The following GOSR2 variants were observed in gnomAD, a reference collection of about 807,000 sequenced individuals.
GOSR2 encodes the protein 27 kDa Golgi SNARE protein.
In GOSR2, 20 loss-of-function variants were observed where a neutral mutation model predicts 27.9. The ratio of observed to expected loss-of-function variants is 0.72; its 90% CI spans 0.50 to 1.04. The LOEUF is 1.04. Among genes scored for constraint, GOSR2 ranks in the 50% least tolerant of loss-of-function variants. The pLI is 0.00. For synonymous variants in GOSR2, 91 were observed against 98.8 expected (o/e 0.92, Z 0.47); for missense variants, 261 against 270.5 (o/e 0.97, Z 0.25).
intron 6 of GOSR2, among the ~76,000 whole-genome samples, chr17:46,960,576 TCAC>T: frequency 6.6e-6 from 1 of 152,298 alleles, no homozygotes; most frequent in African/African-American, 2.4e-5. Flanking sequence ...TTATTTGCAA[TCAC>T]CAAAACAGGA....
chr17:46,972,220 T>C (rs2147345779), intron 6 of GOSR2, among the ~76,000 whole-genome samples: 1 of 152,304 alleles, frequency 6.6e-6, no homozygotes, highest in South Asian at 2.1e-4. Flanking sequence ...CCTGCTTTGC[T>C]TCTCCCGCCA....
intron 6 of GOSR2, among the ~76,000 whole-genome samples, chr17:46,957,094 A>G (rs2090768015): frequency 6.6e-6 from 1 of 152,172 alleles, no homozygotes; most frequent in Non-Finnish European, 1.5e-5. Context: ...GGATCGTGTG[A>G]ACCCAGGAGT....
In GOSR2 at chr17:46,950,286, G is replaced by A. The variant is rs1452320776; in HGVS notation, c.583+11582G>A. ...TCCATACTGGTCCCCAGAGAGTGTGGACTCTCTGCCTCTTGTAGGTGAGGA... is the reference window on the plus strand; with the variant it reads ...TCCATACTGGTCCCCAGAGAGTGTGAACTCTCTGCCTCTTGTAGGTGAGGA... On this transcript the variant is annotated intron_variant, in intron 6 of 6. Coordinates refer to the GOSR2 transcript ENST00000573224. Among the ~76,000 whole-genome samples, 3 of 152,176 alleles carry A rather than the reference G, an allele frequency of 2.0e-5. No individual in the cohort carries two copies. The South Asian group carries it at 6.2e-4, about 32-fold the overall frequency.
intron 1 of GOSR2, among the ~76,000 whole-genome samples, chr17:46,927,486 C>T (rs1202507877): frequency 6.6e-6 from 1 of 152,092 alleles, no homozygotes; most frequent in African/African-American, 2.4e-5. Flanking sequence ...CATTTATGCA[C>T]ACCTGTATTT....
At chr17:46,937,414 A>C (rs2088577027) in intron 5 of GOSR2, 1 of 152,202 alleles carries the variant, frequency 6.6e-6, no homozygotes, top group Non-Finnish European at 1.5e-5. Context: ...TTATAGTATA[A>C]AATATTCTAA....
At chr17:46,961,338 G>A (rs537281850) in intron 6 of GOSR2, among the ~76,000 whole-genome samples, 4 of 152,298 alleles carry the variant, frequency 2.6e-5, no homozygotes, top group African/African-American at 9.6e-5. Flanking sequence ...TAGAGTTCGG[G>A]ACTAGCCTTG....
chr17:46,937,383 T>C (rs1313348433), intron 5 of GOSR2: 1 of 152,182 alleles, frequency 6.6e-6, no homozygotes, highest in Non-Finnish European at 1.5e-5. Context: ...CGAGGACAAG[T>C]TTTTTGATGT....
At chr17:46,959,207 C>G (rs1354564342) in intron 6 of GOSR2, among the ~76,000 whole-genome samples, 6 of 152,170 alleles carry the variant, frequency 3.9e-5, no homozygotes, top group African/African-American at 1.2e-4. Context: ...TACCACCAGA[C>G]AGATGGACAG....
intron 6 of GOSR2, among the ~76,000 whole-genome samples, chr17:46,951,261 C>T (rs1020874604): frequency 6.6e-6 from 1 of 152,154 alleles, no homozygotes; most frequent in African/African-American, 2.4e-5. Flanking sequence ...GCCCGCTGGC[C>T]GCCCACAGTG....
intron 2 of GOSR2, 32 bp downstream of exon 2, chr17:46,929,616 T>G: frequency 9.2e-7 from 1 of 1,085,998 alleles, no homozygotes; most frequent in Non-Finnish European, 1.4e-6. Flanking sequence ...CCAGAGTCCT[T>G]TCTCTGATGA....
At chr17:46,932,430 A>G (rs1027764938) in intron 4 of GOSR2, 2 of 607,952 alleles carry the variant, frequency 3.3e-6, no homozygotes, top group African/African-American at 3.7e-5. Context: ...GAAGGGGAAT[A>G]GGCAGAGGTG....
In GOSR2 at chr17:46,938,735, T is replaced by C. The variant is rs1259934020; in HGVS notation, c.614T>C (p.Phe205Ser). The part of the protein sequence containing the change: ...GGMLLTCVVM[F>S]LVVQYLT The stretch of plus-strand genomic sequence containing the variant: ...ATGCTGCTGACCTGTGTGGTCATGT[T>C]CCTCGTGGTGCAGTACCTGACATGA... The change falls in exon 6 of 6, where the codon TTC (phenylalanine) becomes TCC (serine). Residue 205 changes from phenylalanine to serine, a missense_variant. Physicochemically the swap from Phe to Ser is radical, Grantham distance 155. Coordinates refer to ENST00000640051, the MANE Select transcript of GOSR2 (RefSeq NM_004287.5). 6.2e-7 allele frequency: 1 copy of C among 1,613,906 alleles called. No homozygotes were observed. The highest frequency in any genetic ancestry group is 2.2e-5 in the East Asian group (1 of 44,896).
chr17:46,962,201 C>T (rs771840345), intron 6 of GOSR2, among the ~76,000 whole-genome samples: 18 of 151,868 alleles, frequency 1.2e-4, no homozygotes, highest in East Asian at 3.9e-4. Flanking sequence ...TGATGGCATG[C>T]GCCTGTAATC....
intron 4 of GOSR2, chr17:46,933,655 A>G (rs2087766846): frequency 8.2e-6 from 1 of 122,242 alleles, no homozygotes; most frequent in Non-Finnish European, 1.7e-5. Flanking sequence ...TGGACAATTG[A>G]AACTGGAATT....
At chr17:46,944,357 C>T (rs773628083), downstream of GOSR2, among the ~76,000 whole-genome samples, 3 of 152,200 alleles carry the variant, frequency 2.0e-5, no homozygotes, top group Non-Finnish European at 2.9e-5. Context: ...AACCACGGGC[C>T]ACACACCTCT....
intron 6 of GOSR2, among the ~76,000 whole-genome samples, chr17:46,949,642 A>C (rs991528290): frequency 1.3e-5 from 2 of 152,218 alleles, no homozygotes; most frequent in African/African-American, 4.8e-5. Context: ...GCAGCAATAA[A>C]GTGCACAAAC....
chr17:46,953,504 A>C (rs1033026206), intron 6 of GOSR2, among the ~76,000 whole-genome samples: 1 of 152,166 alleles, frequency 6.6e-6, no homozygotes, highest in Non-Finnish European at 1.5e-5. Flanking sequence ...GCCGCAATAA[A>C]CATACGTGTG....
chr17:46,961,044 G>A (rs552619206), intron 6 of GOSR2, among the ~76,000 whole-genome samples: 2 of 152,130 alleles, frequency 1.3e-5, no homozygotes, highest in African/African-American at 2.4e-5. Flanking sequence ...AAAAAACAAG[G>A]TGGGAATAAA....
At chr17:46,937,352 T>C (rs923924138) in intron 5 of GOSR2, 3 of 152,246 alleles carry the variant, frequency 2.0e-5, no homozygotes, top group African/African-American at 7.2e-5. Context: ...TTGGTATCAA[T>C]GATTATTGGA....
Sources: allele counts gnomAD v4.1 joint callset (sites outside exome capture counted in the v4.1 genomes callset), GRCh38; gene constraint gnomAD v4.1.1; transcripts MANE v1.5; gene names NCBI Gene and HGNC (gene_info 2026-07-23, HGNC 2026-07-21).